Variants in ACSL3 observed in about 807,000 individuals in gnomAD.
ACSL3 encodes fatty acid CoA ligase Acsl3.
In ACSL3, 34 loss-of-function variants were observed where a neutral mutation model predicts 84.7. The observed-to-expected ratio is 0.40, with a 90% CI of 0.31 to 0.53. ACSL3 has a LOEUF of 0.53. Among genes scored for constraint, ACSL3 ranks in the 20% least tolerant of loss-of-function variants. The pLI is 0.48. For missense variants in ACSL3, 680 were observed against 873.1 expected (o/e 0.78, Z 2.79); for synonymous variants, 315 against 299.4 (o/e 1.05, Z -0.54).
At position 222,908,870 on chromosome 2, in the gene ACSL3, A is replaced by G. The variant is rs749555080; in HGVS notation, c.98A>G (p.Tyr33Cys). ...LYFIHFLISL[Y>C]TILTYIPFYF... ...TTTATACATTTTCTAATATCACTTT[A>G]TACTATTTTAACATACATTCCGTTT... The change falls in exon 4 of 17, where the codon TAT becomes TGT. Residue 33 changes from tyrosine (Y) to cysteine (C), a missense_variant. Transcript: ENST00000357430. 1.9e-4 allele frequency: 308 copies of G among 1,607,862 alleles called. No homozygotes were observed. Among genetic ancestry groups the G allele is most frequent in the Non-Finnish European group, 2.5e-4 (298 of 1,175,708 alleles).
intron 1 of ACSL3, among the ~76,000 whole-genome samples, chr2:222,875,926 T>G (rs1695435604): frequency 6.6e-6 from 1 of 152,214 alleles, no homozygotes; most frequent in African/African-American, 2.4e-5. Context: ...AGGTAATACT[T>G]TGTAGGTTTC....
Position 222,890,768 on chromosome 2 carries a change from A to G in ACSL3, c.-148+2880A>G, listed in dbSNP as rs147195580. Among the ~76,000 whole-genome samples the G allele has an allele frequency of 7.4e-3, 1,128 of 152,052 alleles. 22 individuals are homozygous for G. The highest frequency in any genetic ancestry group is 0.025 in the African/African-American group (1,051 of 41,460). On this transcript the variant is annotated intron_variant, in intron 2 of 16. Transcript: ENST00000357430. ...GTGATTCTTGTGCCTCAGCCTCCCAAGTAGCTGGGATTACAGGTGCGTACC... is the reference window on the plus strand; with the variant it reads ...GTGATTCTTGTGCCTCAGCCTCCCAGGTAGCTGGGATTACAGGTGCGTACC...
Position 222,921,265 on chromosome 2 carries a change from T to C in ACSL3, c.806-15T>C. On this transcript the variant is annotated splice_polypyrimidine_tract_variant and intron_variant, in intron 7 of 16. Transcript: ENST00000357430. ...TCATGAAAGTGTATGTGTGTGTTTT[T>C]TCTCTTCAATGCAGAAAACCAACCT... 3 of 1,587,064 alleles carry C rather than the reference T, an allele frequency of 1.9e-6. No homozygotes were observed. The South Asian group carries it at 3.3e-5, about 18-fold the overall frequency.
At chr2:222,928,780 T>C in intron 12 of ACSL3, 82 bp from the exon 13 acceptor site, 2 of 1,163,668 alleles carry the variant, frequency 1.7e-6, no homozygotes, top group Non-Finnish European at 2.6e-6. Flanking sequence ...TTAGGATAAA[T>C]AATCATTTTT....
In ACSL3 at chr2:222,907,067, G is replaced by T. The variant is rs1188386172; in HGVS notation, c.-40-1666G>T. Among the ~76,000 whole-genome samples the T allele has an allele frequency of 2.6e-5, 4 of 152,308 alleles. No homozygotes were observed. In the East Asian group the frequency reaches 7.7e-4, roughly 29 times the overall value. ...TTTGTGCCATTGTTCTGGAGCTGGGGCTGGGGACAGCAGCTTGATTTTCTT... is the reference window on the plus strand; with the variant it reads ...TTTGTGCCATTGTTCTGGAGCTGGGTCTGGGGACAGCAGCTTGATTTTCTT... On this transcript the variant is annotated intron_variant, in intron 3 of 16. Coordinates refer to ENST00000357430, the MANE Select transcript of ACSL3 (RefSeq NM_004457.5).
chr2:222,890,774 TGGG>T lies in ACSL3; in HGVS notation c.-148+2887_-148+2889del, dbSNP rs1574530201. ...CTTGTGCCTCAGCCTCCCAAGTAGC[TGGG>T]ATTACAGGTGCGTACCACCACACCT... On this transcript the variant is annotated intron_variant, in intron 2 of 16. Coordinates refer to ENST00000357430, the MANE Select transcript of ACSL3 (RefSeq NM_004457.5). Among the ~76,000 whole-genome samples the T allele has an allele frequency of 3.3e-5, 5 of 152,062 alleles. No homozygotes were observed. In the East Asian group the frequency reaches 9.6e-4, roughly 29 times the overall value.
chr2:222,940,838 T>C (rs1266968579), intron 16 of ACSL3, among the ~76,000 whole-genome samples: 2 of 152,166 alleles, frequency 1.3e-5, no homozygotes, highest in African/African-American at 2.4e-5. Flanking sequence ...TCAGAACATA[T>C]CCCTGTCATT....
Position 222,943,781 on chromosome 2 carries a change from A to G in ACSL3, c.*2127A>G, listed in dbSNP as rs1337967538. On this transcript the variant is annotated 3_prime_UTR_variant, in exon 17 of 17. Coordinates refer to ENST00000357430, the MANE Select transcript of ACSL3 (RefSeq NM_004457.5). ...AATATCCTCTAAAATTACCCTTTCA[A>G]GAGGAAAAAACTGTTCAATGAAAAA... The G allele has an allele frequency of 6.6e-6, 1 of 152,152 alleles. No homozygotes were observed. Among genetic ancestry groups the G allele is most frequent in the Non-Finnish European group, 1.5e-5 (1 of 67,988 alleles). 9.4% of individuals were successfully genotyped at this position (152,152 alleles called of 1,614,324 possible).
chr2:222,880,630 C>G (rs903160374), intron 1 of ACSL3, among the ~76,000 whole-genome samples: 6 of 151,838 alleles, frequency 4.0e-5, no homozygotes, highest in African/African-American at 2.4e-5. Context: ...AGATCAAGAC[C>G]ATCCTGGCTA....
chr2:222,879,506 A>G (rs1210041972), intron 1 of ACSL3, among the ~76,000 whole-genome samples: 1 of 152,202 alleles, frequency 6.6e-6, no homozygotes, highest in African/African-American at 2.4e-5. Flanking sequence ...TGAAGGAGGA[A>G]TAAGAGCCTG....
intron 14 of ACSL3, 105 bp downstream of exon 14, chr2:222,930,917 A>G (rs1697013846): frequency 1.9e-6 from 2 of 1,064,406 alleles, no homozygotes; most frequent in Non-Finnish European, 2.6e-6. Flanking sequence ...TCTTTATGTA[A>G]TCTTAGTTTG....
chr2:222,867,025 G>T (rs1166149186), intron 1 of ACSL3, among the ~76,000 whole-genome samples: 3 of 151,732 alleles, frequency 2.0e-5, no homozygotes, highest in Non-Finnish European at 4.4e-5. Context: ...GGTAGAGATG[G>T]GGTTTCACCA....
intron 13 of ACSL3, among the ~76,000 whole-genome samples, chr2:222,930,316 CA>C (rs1294227480): frequency 6.6e-6 from 1 of 152,102 alleles, no homozygotes; most frequent in Non-Finnish European, 1.5e-5. Flanking sequence ...TAAGATGTTG[CA>C]GAATCTTTCA....
At chr2:222,928,841 T>C (rs780971570) in intron 12 of ACSL3, 21 bp from the exon 13 acceptor site, 26 of 1,596,192 alleles carry the variant, frequency 1.6e-5, no homozygotes, top group Non-Finnish European at 2.1e-5. Flanking sequence ...TCAAATATCC[T>C]TTTTTTCATT....
At chr2:222,915,015 T>C (rs1696538900) in intron 4 of ACSL3, among the ~76,000 whole-genome samples, 1 of 152,274 alleles carries the variant, frequency 6.6e-6, no homozygotes, top group South Asian at 2.1e-4. Context: ...TCAAACACCT[T>C]TTCAGAACAC....
chr2:222,891,260 C>A (rs1481317431), intron 2 of ACSL3, among the ~76,000 whole-genome samples: 1 of 152,122 alleles, frequency 6.6e-6, no homozygotes, highest in Non-Finnish European at 1.5e-5. Flanking sequence ...TTGTCTTAAT[C>A]AGTTTTGGGA....
chr2:222,924,574 G>A lies in ACSL3; in HGVS notation c.1271G>A (p.Arg424His), dbSNP rs143039215. The change falls in exon 11 of 17, where the codon CGT becomes CAT. Residue 424 changes from arginine (R) to histidine (H), a missense_variant. Coordinates refer to ENST00000357430, the MANE Select transcript of ACSL3 (RefSeq NM_004457.5). ...AAAATGGAACAGATTTCAAAAGGAC[G>A]TAATACTCCACTGTGCGACAGGTAA... ...NYKMEQISKGRNTPLCDSFVF... is the reference protein window; with the variant it reads ...NYKMEQISKGHNTPLCDSFVF... 2.3e-4 allele frequency: 369 copies of A among 1,607,160 alleles called. 1 individual carries two copies. The African/African-American group carries it at 3.7e-3, about 16-fold the overall frequency.
intron 1 of ACSL3, among the ~76,000 whole-genome samples, chr2:222,883,669 CA>C (rs1695649017): frequency 6.8e-6 from 1 of 148,002 alleles, no homozygotes; most frequent in East Asian, 2.0e-4. Context: ...TTTCTGCTTG[CA>C]AAATGCTTCA....
intron 3 of ACSL3, among the ~76,000 whole-genome samples, chr2:222,902,577 T>C (rs1696179633): frequency 6.6e-6 from 1 of 152,256 alleles, no homozygotes; most frequent in Non-Finnish European, 1.5e-5. Flanking sequence ...TGCAGGATTC[T>C]TGCTCCTTAG....
Sources: gnomAD v4.1 joint callset for allele counts (sites outside exome capture counted in the v4.1 genomes callset) on GRCh38, gnomAD v4.1.1 for gene constraint, MANE v1.5 for transcripts, NCBI Gene and HGNC (gene_info 2026-07-23, HGNC 2026-07-21) for gene names.